CACNB2: variants seen among roughly 807,000 people sequenced by gnomAD.
CACNB2 encodes the protein voltage-dependent L-type calcium channel subunit beta-2.
A neutral mutation model predicts 73.3 loss-of-function variants in CACNB2; 42 were observed. That is an observed-to-expected ratio of 0.57 (90% CI 0.45 to 0.74). The LOEUF is 0.74. CACNB2 is among the 30% of genes least tolerant of loss of function. The pLI is 0.00. For missense variants in CACNB2, 940 were observed against 853.0 expected, an observed-to-expected ratio of 1.10 and a Z score of -1.27; for synonymous variants, 348 against 310.3, an observed-to-expected ratio of 1.12 and a Z score of -1.28.
At chr10:18,468,279 G>A (rs557261245) in intron 3 of CACNB2, among the ~76,000 whole-genome samples, 3 of 152,200 alleles carry the variant, frequency 2.0e-5, no homozygotes, top group African/African-American at 4.8e-5. Context: ...GCAACATGGC[G>A]AAAACCCATC....
intron 3 of CACNB2, among the ~76,000 whole-genome samples, chr10:18,485,699 T>A (rs2049021683): frequency 6.6e-6 from 1 of 151,660 alleles, no homozygotes; most frequent in Non-Finnish European, 1.5e-5. Context: ...GTAGCTGGGA[T>A]TACAGGCACC....
In CACNB2 at chr10:18,402,011, C is replaced by A. The variant is rs1357911128; in HGVS notation, c.301C>A (p.Arg101=). 1.5e-5 allele frequency: 24 copies of A among 1,613,932 alleles called. No individual in the cohort carries two copies. The highest frequency in any genetic ancestry group is 1.9e-5 in the Non-Finnish European group (23 of 1,179,982). ...GGAGGCAGTGCGCAGAGAAGCGGAG[C>A]GGCAGGCCCAGGCACAGTTGGAAAA... ...DREAVRREAE[R]QAQAQLEKAK... The change falls in exon 3 of 14, where the codon CGG becomes AGG. Residue 101 remains arginine, a synonymous_variant. Transcript: ENST00000324631.
At chr10:18,297,702 T>C (rs940703752) in intron 2 of CACNB2, among the ~76,000 whole-genome samples, 9 of 152,202 alleles carry the variant, frequency 5.9e-5, no homozygotes, top group Non-Finnish European at 1.2e-4. Context: ...CTTCTTCCCC[T>C]TGGGTTTGAG....
intron 3 of CACNB2, among the ~76,000 whole-genome samples, chr10:18,421,976 C>T (rs2045349710): frequency 6.6e-6 from 1 of 152,204 alleles, no homozygotes; most frequent in Non-Finnish European, 1.5e-5. Flanking sequence ...GGCAAATATA[C>T]ACTACTGTAA....
At position 18,371,217 on chromosome 10, in the gene CACNB2, T is replaced by TA. The variant is rs11458222; in HGVS notation, c.214-30705dup. ...TTTACTGTTTTTATTTTGTTTTTTTTAATTATACTTTAAGTTTTAGGGTAC... is the reference window on the plus strand; with the variant it reads ...TTTACTGTTTTTATTTTGTTTTTTTTAAATTATACTTTAAGTTTTAGGGTAC... On this transcript the variant is annotated intron_variant, in intron 2 of 13. Coordinates refer to ENST00000324631, the MANE Select transcript of CACNB2 (RefSeq NM_201596.3). 3.3e-5 allele frequency among the ~76,000 whole-genome samples: 5 copies of TA among 152,208 alleles called. No individual in the cohort carries two copies. In the South Asian group the frequency reaches 1.0e-3, roughly 32 times the overall value.
At chr10:18,521,904 C>T (rs531871469) in intron 9 of CACNB2, among the ~76,000 whole-genome samples, 5 of 152,300 alleles carry the variant, frequency 3.3e-5, no homozygotes, top group South Asian at 2.1e-4. Context: ...CCCAAATCCC[C>T]GGGTCACAGA....
At position 18,453,925 on chromosome 10, in the gene CACNB2, A is replaced by G. The variant is rs988077395; in HGVS notation, c.334-44430A>G. ...GCTGGGATTACAGGTGTGAGCCACC[A>G]TGACCAGCTGATTACTTGTCTGTTT... On this transcript the variant is annotated intron_variant, in intron 3 of 13. Coordinates refer to ENST00000324631, the MANE Select transcript of CACNB2 (RefSeq NM_201596.3). 5.3e-5 allele frequency among the ~76,000 whole-genome samples: 8 copies of G among 152,324 alleles called. No homozygotes were observed. The East Asian group carries it at 7.7e-4, about 15-fold the overall frequency.
At position 18,539,760 on chromosome 10, in the gene CACNB2, G is replaced by A. The variant is rs1199778903; in HGVS notation, c.*36G>A. ...TTTGTGTTTTTTTTTTTTTTTTTTT[G>A]AAGTCTTGTATAACTAACAGCATCC... On this transcript the variant is annotated 3_prime_UTR_variant, in exon 14 of 14. Transcript: ENST00000324631. 3 of 1,289,928 alleles carry A rather than the reference G, an allele frequency of 2.3e-6. No homozygotes were observed. In the South Asian group the frequency reaches 4.0e-5, roughly 17 times the overall value. 79.9% of individuals were successfully genotyped at this position (1,289,928 alleles called of 1,614,324 possible).
chr10:18,251,193 C>G (rs58703423), intron 2 of CACNB2, among the ~76,000 whole-genome samples: 54,929 of 151,916 alleles, frequency 0.36, 9,975 homozygotes, highest in East Asian at 0.44. Context: ...GGGTTCAAAT[C>G]CTATTTCTGC....
In CACNB2 at chr10:18,155,897, T is replaced by TTATA. The variant is rs11467545; in HGVS notation, c.213+4942_213+4945dup. ...GAGGGAGAGAGAGAGAGAGAACATATTATATATATATATATATATATATGT... is the reference window on the plus strand; with the variant it reads ...GAGGGAGAGAGAGAGAGAGAACATATTATATATATATATATATATATATATATGT... On this transcript the variant is annotated intron_variant, in intron 2 of 13. Transcript: ENST00000324631. 3.1e-3 allele frequency among the ~76,000 whole-genome samples: 430 copies of TTATA among 139,598 alleles called. 3 individuals carry two copies. Among genetic ancestry groups the TTATA allele is most frequent in the African/African-American group, 0.011 (408 of 38,108 alleles). 91.6% of individuals were successfully genotyped at this position (139,598 alleles called of 152,430 possible).
At chr10:18,142,029 G>C (rs1001653660) in intron 1 of CACNB2, among the ~76,000 whole-genome samples, 2 of 152,174 alleles carry the variant, frequency 1.3e-5, no homozygotes, top group African/African-American at 4.8e-5. Flanking sequence ...GTAGTAGTGG[G>C]GGCAGGAGTG....
intron 2 of CACNB2, among the ~76,000 whole-genome samples, chr10:18,365,033 T>G (rs1282740180): frequency 6.6e-6 from 1 of 152,240 alleles, no homozygotes; most frequent in East Asian, 1.9e-4. Context: ...TAAATTAATC[T>G]AATCCAATCT....
chr10:18,414,729 CATAA>C, intron 3 of CACNB2, among the ~76,000 whole-genome samples: 1 of 151,806 alleles, frequency 6.6e-6, no homozygotes, highest in Admixed American at 6.6e-5. Context: ...ATTTTAAAAC[CATAA>C]ATAGATTAAG....
chr10:18,153,285 G>A (rs1440521889), intron 2 of CACNB2, among the ~76,000 whole-genome samples: 1 of 152,094 alleles, frequency 6.6e-6, no homozygotes, highest in Non-Finnish European at 1.5e-5. Context: ...GGCTTTTGGG[G>A]TAATGATTAC....
At chr10:18,403,249 A>G (rs1185885085) in intron 3 of CACNB2, among the ~76,000 whole-genome samples, 2 of 152,200 alleles carry the variant, frequency 1.3e-5, no homozygotes, top group East Asian at 3.9e-4. Flanking sequence ...CCCAGTTGCC[A>G]TCAATGAATC....
At chr10:18,143,752 G>T (rs1005941488) in intron 1 of CACNB2, among the ~76,000 whole-genome samples, 3 of 152,168 alleles carry the variant, frequency 2.0e-5, no homozygotes, top group Admixed American at 6.5e-5. Flanking sequence ...CATCCTCCTT[G>T]TATGTGGCAC....
chr10:18,514,994 G>C, intron 7 of CACNB2: 1 of 1,613,728 alleles, frequency 6.2e-7, no homozygotes, highest in East Asian at 2.2e-5. Flanking sequence ...AAAATCTGCA[G>C]ATGAACAAGA....
intron 12 of CACNB2, among the ~76,000 whole-genome samples, chr10:18,537,504 T>C (rs1282123752): frequency 6.6e-6 from 1 of 151,888 alleles, no homozygotes; most frequent in Non-Finnish European, 1.5e-5. Flanking sequence ...GGGCCGGGCA[T>C]GGTGGCTCAT....
chr10:18,375,693 T>TTATTCATA (rs1393119570), intron 2 of CACNB2, among the ~76,000 whole-genome samples: 2 of 152,210 alleles, frequency 1.3e-5, no homozygotes, highest in Admixed American at 6.5e-5. Flanking sequence ...CTGAGCATGT[T>TTATTCATA]TATTCATACA....
Sources: gnomAD v4.1 joint callset for allele counts (sites outside exome capture counted in the v4.1 genomes callset) on GRCh38, gnomAD v4.1.1 for gene constraint, MANE v1.5 for transcripts, NCBI Gene and HGNC (gene_info 2026-07-23, HGNC 2026-07-21) for gene names.